The following GRIN3A variants were observed in gnomAD, a reference collection of about 807,000 sequenced individuals.
GRIN3A encodes the protein glutamate receptor ionotropic, NMDA 3A.
In GRIN3A, 47 loss-of-function variants were observed where a neutral mutation model predicts 92.4. The ratio of observed to expected loss-of-function variants is 0.51; its 90% confidence interval spans 0.40 to 0.65. The LOEUF is 0.65. GRIN3A is among the 30% of genes least tolerant of loss of function. The pLI is 0.00. For synonymous variants in GRIN3A, 527 were observed against 540.6 expected, an observed-to-expected ratio of 0.97 and a Z score of 0.35; for missense variants, 1,324 against 1,393.1, an observed-to-expected ratio of 0.95 and a Z score of 0.79.
chr9:101,642,483 C>T (rs1344311853), intron 3 of GRIN3A, among the ~76,000 whole-genome samples: 2 of 152,098 alleles, frequency 1.3e-5, no homozygotes, highest in East Asian at 3.9e-4. Flanking sequence ...AAATGGGATT[C>T]CATCAAACTA....
chr9:101,656,710 C>T (rs1281879782), intron 3 of GRIN3A, among the ~76,000 whole-genome samples: 2 of 151,876 alleles, frequency 1.3e-5, no homozygotes, highest in African/African-American at 4.8e-5. Flanking sequence ...AACCAAACTT[C>T]TGAAGAGAAA....
chr9:101,624,256 G>A (rs1032808728), intron 4 of GRIN3A, among the ~76,000 whole-genome samples: 4 of 150,776 alleles, frequency 2.7e-5, no homozygotes, highest in Admixed American at 2.6e-4. Flanking sequence ...TAAGTTTTAG[G>A]GTACATGTGC....
intron 1 of GRIN3A, among the ~76,000 whole-genome samples, chr9:101,710,062 A>C (rs1203978766): frequency 1.3e-5 from 2 of 152,132 alleles, no homozygotes; most frequent in African/African-American, 4.8e-5. Context: ...CTCCGGGTGA[A>C]TCTCAGTGAT....
chr9:101,639,472 C>T (rs1426705866), intron 3 of GRIN3A, among the ~76,000 whole-genome samples: 1 of 152,262 alleles, frequency 6.6e-6, no homozygotes, highest in Non-Finnish European at 1.5e-5. Flanking sequence ...GGAACTCAAA[C>T]TTCTCTCTTG....
chr9:101,704,326 A>C (rs968679906), intron 1 of GRIN3A, among the ~76,000 whole-genome samples: 1 of 152,148 alleles, frequency 6.6e-6, no homozygotes, highest in African/African-American at 2.4e-5. Flanking sequence ...TTGATGTCTG[A>C]GGTCATATTC....
chr9:101,602,730 G>C (rs1828228000), intron 6 of GRIN3A, among the ~76,000 whole-genome samples: 1 of 152,162 alleles, frequency 6.6e-6, no homozygotes, highest in African/African-American at 2.4e-5. Flanking sequence ...TTACTTGGTC[G>C]TTAGCAAGGG....
chr9:101,670,393 G>C lies in GRIN3A; in HGVS notation c.2019C>G (p.Leu673=). 1 of 1,614,008 alleles carries C rather than the reference G, an allele frequency of 6.2e-7. No homozygotes were observed. The highest frequency in any genetic ancestry group is 8.5e-7 in the Non-Finnish European group (1 of 1,179,950). ...AAATCCCCAGCCACATTGTCCAGTG[G>C]AGTGGCCACATGAAGGCTCCAATGG... The part of the protein sequence containing the change: ...AAPIGAFMWP[L]HWTMWLGIFV... The change falls in exon 3 of 9, where the codon CTC becomes CTG. Residue 673 remains leucine, a synonymous_variant. Transcript: ENST00000361820.
chr9:101,698,429 T>C (rs1044303623), intron 1 of GRIN3A, among the ~76,000 whole-genome samples: 3 of 152,188 alleles, frequency 2.0e-5, no homozygotes, highest in African/African-American at 7.2e-5. Context: ...ATTACAGTCG[T>C]GCGTCACTTA....
At position 101,670,190 on chromosome 9, in the gene GRIN3A, G is replaced by A. The variant is rs144460934; in HGVS notation, c.2222C>T (p.Thr741Ile). The change falls in exon 3 of 9, where the codon ACT becomes ATT. Residue 741 changes from threonine (T) to isoleucine (I), a missense_variant. Coordinates refer to ENST00000361820, the MANE Select transcript of GRIN3A (RefSeq NM_133445.3). ...CCAAAGGTTCATTAGAAACCTTCCA[G>A]TCCAACATTTTGGAGGTTTGATGGC... ...TVAIKPPKCW[T>I]GRFLMNLWAI... The A allele has an allele frequency of 1.9e-6, 3 of 1,613,844 alleles. No individual in the cohort carries two copies. In the African/African-American group the frequency reaches 4.0e-5, roughly 22 times the overall value.
chr9:101,572,812 G>A lies in GRIN3A; in HGVS notation c.*362C>T, dbSNP rs1827777483. On this transcript the variant is annotated 3_prime_UTR_variant, in exon 9 of 9. Transcript: ENST00000361820. ...GCAACCCAGTAAGACATAAGTGTGA[G>A]TAACAATTTTATCTCTTGTTGGTAG... The A allele has an allele frequency of 3.5e-6, 1 of 283,618 alleles. No homozygotes were observed. Among genetic ancestry groups the A allele is most frequent in the Non-Finnish European group, 6.9e-6 (1 of 144,576 alleles). The allele number at this position is 283,618 out of a possible 1,614,324, so 17.6% of individuals were successfully genotyped here.
intron 3 of GRIN3A, among the ~76,000 whole-genome samples, chr9:101,668,306 T>C (rs1245206750): frequency 2.6e-5 from 4 of 152,076 alleles, no homozygotes; most frequent in African/African-American, 9.7e-5. Flanking sequence ...CTAGTTAGTA[T>C]TGTGTTCATC....
chr9:101,619,951 G>C (rs73659570), intron 5 of GRIN3A, among the ~76,000 whole-genome samples: 18,290 of 152,126 alleles, frequency 0.12, 1,944 homozygotes, highest in African/African-American at 0.29. Context: ...ATCCTTAATA[G>C]TTTTGGTTTG....
intron 3 of GRIN3A, among the ~76,000 whole-genome samples, chr9:101,657,248 TA>T (rs1466771827): frequency 6.6e-6 from 1 of 151,924 alleles, no homozygotes; most frequent in Non-Finnish European, 1.5e-5. Context: ...GCCAATTCAG[TA>T]AAACAAAAAA....
rs190034944 is a variant in GRIN3A at position 101,603,942 on chromosome 9, T to C, written c.2766+9434A>G. On this transcript the variant is annotated intron_variant, in intron 6 of 8. Transcript: ENST00000361820. Reference sequence around the variant, plus strand: ...TTCTAGCTCTTCCATGTGTGAATTATGGCCTTGTTTGTGTCACGGCTTACC... The same window carrying C: ...TTCTAGCTCTTCCATGTGTGAATTACGGCCTTGTTTGTGTCACGGCTTACC... 3.6e-3 allele frequency among the ~76,000 whole-genome samples: 549 copies of C among 152,378 alleles called. 3 individuals are homozygous for C. The highest frequency in any genetic ancestry group is 0.01 in the African/African-American group (433 of 41,596).
chr9:101,658,756 A>G (rs192037123), intron 3 of GRIN3A, among the ~76,000 whole-genome samples: 4 of 150,416 alleles, frequency 2.7e-5, no homozygotes, highest in South Asian at 2.1e-4. Context: ...CTATCTGTCT[A>G]TCTGTCTATC....
chr9:101,718,009 G>A (rs998197322), intron 1 of GRIN3A, among the ~76,000 whole-genome samples: 8 of 152,200 alleles, frequency 5.3e-5, no homozygotes, highest in Non-Finnish European at 7.3e-5. Flanking sequence ...AGTGAATGAG[G>A]ACCCTCTTTC....
chr9:101,593,613 C>T lies in GRIN3A; in HGVS notation c.2767-14253G>A, dbSNP rs568386132. 3 of 152,448 alleles carry T rather than the reference C, an allele frequency of 2.0e-5. No individual in the cohort carries two copies. In the South Asian group the frequency reaches 6.2e-4, roughly 32 times the overall value. The allele number at this position is 152,448 out of a possible 1,614,324, so 9.4% of individuals were successfully genotyped here. ...GGTGAGAGCACTTTCTGGGAGAACACTTTGCTTGCCCTATTTAGCTGGAGG... is the reference window on the plus strand; with the variant it reads ...GGTGAGAGCACTTTCTGGGAGAACATTTTGCTTGCCCTATTTAGCTGGAGG... On this transcript the variant is annotated intron_variant, in intron 6 of 8. Coordinates refer to ENST00000361820, the MANE Select transcript of GRIN3A (RefSeq NM_133445.3).
At chr9:101,598,618 A>G (rs1302646586) in intron 6 of GRIN3A, among the ~76,000 whole-genome samples, 1 of 152,176 alleles carries the variant, frequency 6.6e-6, no homozygotes, top group Non-Finnish European at 1.5e-5. Flanking sequence ...ATGTTAGTCA[A>G]TATAATGTCA....
At chr9:101,696,711 G>T (rs1297100973) in intron 1 of GRIN3A, among the ~76,000 whole-genome samples, 1 of 152,146 alleles carries the variant, frequency 6.6e-6, no homozygotes, top group Non-Finnish European at 1.5e-5. Context: ...TGTCTAGCAT[G>T]CAAGTTAAAT....
Sources: allele counts gnomAD v4.1 joint callset (sites outside exome capture counted in the v4.1 genomes callset), GRCh38; gene constraint gnomAD v4.1.1; transcripts MANE v1.5; gene names NCBI Gene and HGNC (gene_info 2026-07-23, HGNC 2026-07-21).